Variants in HOMER2 observed in about 807,000 individuals in gnomAD.
HOMER2 encodes homer scaffold protein 2.
HOMER2 carries 27 observed loss-of-function variants against 47.0 expected under a neutral mutation model. That is an observed-to-expected ratio of 0.57 (90% CI 0.42 to 0.79). HOMER2 has a LOEUF of 0.79. Ranked by LOEUF, HOMER2 falls within the 30% of genes least tolerant of loss-of-function variation. HOMER2 has a pLI of 0.00. For missense variants in HOMER2, 443 were observed against 435.0 expected, an observed-to-expected ratio of 1.02 and a Z score of -0.16; for synonymous variants, 161 against 163.8, an observed-to-expected ratio of 0.98 and a Z score of 0.13.
intron 3 of HOMER2, among the ~76,000 whole-genome samples, chr15:82,868,541 A>ATATATATATATATATATATATATTTTTT: frequency 1.1e-4 from 8 of 71,258 alleles, no homozygotes; most frequent in Admixed American, 1.8e-4. Context: ...ATATATATAT[A>ATATATATATATATATATATATATTTTTT]TTTTTTTTTT....
At chr15:82,917,235 T>A (rs2053615106) in intron 1 of HOMER2, among the ~76,000 whole-genome samples, 1 of 152,258 alleles carries the variant, frequency 6.6e-6, no homozygotes, top group Admixed American at 6.5e-5. Flanking sequence ...GCAGAATTTA[T>A]GAAAAAGTAA....
chr15:82,853,869 C>T (rs1314200271), intron 6 of HOMER2, among the ~76,000 whole-genome samples: 2 of 152,148 alleles, frequency 1.3e-5, no homozygotes, highest in East Asian at 3.9e-4. Flanking sequence ...CACCATAATC[C>T]TTTTCTCAAC....
chr15:82,853,921 A>G (rs1031927525), intron 6 of HOMER2, among the ~76,000 whole-genome samples: 2 of 152,224 alleles, frequency 1.3e-5, no homozygotes, highest in Non-Finnish European at 2.9e-5. Flanking sequence ...GAATGGAAGC[A>G]GGACTTCCAA....
In HOMER2 at chr15:82,854,867, G is replaced by A; in HGVS notation, c.495-67C>T. On this transcript the variant is annotated intron_variant, in intron 5 of 8. Transcript: ENST00000450735. The stretch of plus-strand genomic sequence containing the variant: ...TCCCGTCTGGCTCCGCCCGCGTGGG[G>A]AAGGGGACTCCGCCATCCCTCAGCA... The A allele has an allele frequency of 9.0e-6, 14 of 1,552,728 alleles. No homozygotes were observed. In the South Asian group the frequency reaches 1.5e-4, roughly 17 times the overall value.
chr15:82,977,640 GAA>G, intron 1 of HOMER2, among the ~76,000 whole-genome samples: 1 of 152,140 alleles, frequency 6.6e-6, no homozygotes, highest in Non-Finnish European at 1.5e-5. Context: ...TGCTGGAGAT[GAA>G]GAGACATCAC....
At chr15:82,970,985 G>C (rs2029965368) in intron 1 of HOMER2, among the ~76,000 whole-genome samples, 1 of 152,200 alleles carries the variant, frequency 6.6e-6, no homozygotes, top group African/African-American at 2.4e-5. Context: ...AAAAGCCATA[G>C]TCCATGGCCC....
At chr15:82,955,959 G>T (rs2054583743), upstream of HOMER2, among the ~76,000 whole-genome samples, 1 of 152,140 alleles carries the variant, frequency 6.6e-6, no homozygotes, top group Non-Finnish European at 1.5e-5. Context: ...AGGCCTGATG[G>T]CTGGGTGTGG....
chr15:82,956,987 G>A (rs117952621), upstream of HOMER2, among the ~76,000 whole-genome samples: 1,364 of 152,194 alleles, frequency 9.0e-3, 11 homozygotes, highest in Non-Finnish European at 0.014. Context: ...ATTAAGAAGA[G>A]TGAATGAGAA....
intron 2 of HOMER2, among the ~76,000 whole-genome samples, chr15:82,882,460 A>C (rs2052552587): frequency 6.6e-6 from 1 of 152,194 alleles, no homozygotes; most frequent in Non-Finnish European, 1.5e-5. Context: ...GATCCACATA[A>C]TCCCCTAGAG....
chr15:82,943,170 C>T (rs1028038164), intron 1 of HOMER2, among the ~76,000 whole-genome samples: 15 of 152,184 alleles, frequency 9.9e-5, no homozygotes, highest in African/African-American at 3.4e-4. Flanking sequence ...GTGCTAAATG[C>T]TCTATACACA....
At chr15:82,879,719 G>A (rs1039653337) in intron 2 of HOMER2, among the ~76,000 whole-genome samples, 5 of 152,140 alleles carry the variant, frequency 3.3e-5, no homozygotes, top group Non-Finnish European at 5.9e-5. Flanking sequence ...CTGAAGGGTG[G>A]AGTCATTGTG....
intron 1 of HOMER2, among the ~76,000 whole-genome samples, chr15:82,972,518 T>G (rs1344425088): frequency 6.6e-6 from 1 of 152,112 alleles, no homozygotes; most frequent in African/African-American, 2.4e-5. Flanking sequence ...CTGGCTAATA[T>G]TTTGTATTTT....
intron 1 of HOMER2, among the ~76,000 whole-genome samples, chr15:82,974,118 A>AGATC (rs949011205): frequency 6.6e-6 from 1 of 151,022 alleles, no homozygotes; most frequent in African/African-American, 2.4e-5. Context: ...AAAATACTAA[A>AGATC]GATCAGCCAG....
intron 1 of HOMER2, among the ~76,000 whole-genome samples, chr15:82,937,995 C>T (rs2054178827): frequency 6.6e-6 from 1 of 152,228 alleles, no homozygotes. Context: ...CGCCCCAACC[C>T]TACAACCAGC....
intron 1 of HOMER2, among the ~76,000 whole-genome samples, chr15:82,939,241 C>T (rs1012948577): frequency 3.9e-5 from 6 of 152,188 alleles, no homozygotes; most frequent in Admixed American, 6.5e-5. Flanking sequence ...CACTATCAGC[C>T]GCACAGCCTA....
Position 82,849,436 on chromosome 15 carries a change from A to G in HOMER2, c.*279T>C. The G allele has an allele frequency of 2.4e-6, 1 of 423,138 alleles. No homozygotes were observed. The highest frequency in any genetic ancestry group is 4.2e-6 in the Non-Finnish European group (1 of 237,446). The allele number at this position is 423,138 out of a possible 1,614,324, so 26.2% of individuals were successfully genotyped here. On this transcript the variant is annotated 3_prime_UTR_variant, in exon 9 of 9. Coordinates refer to ENST00000450735, the MANE Select transcript of HOMER2 (RefSeq NM_004839.4). ...ATGGTTGCAACAGCCCTTATGAAAGATATAAACATCCCTGCCCTGACTGCA... is the reference window on the plus strand; with the variant it reads ...ATGGTTGCAACAGCCCTTATGAAAGGTATAAACATCCCTGCCCTGACTGCA...
chr15:82,838,963 A>G (rs895327272), exon 2 of HOMER2: 1 of 152,088 alleles, frequency 6.6e-6, no homozygotes, highest in African/African-American at 2.4e-5. Context: ...CTCTGGAAAA[A>G]CCTTTTCTGG....
At chr15:82,895,798 G>C (rs1787093789) in intron 1 of HOMER2, among the ~76,000 whole-genome samples, 1 of 152,108 alleles carries the variant, frequency 6.6e-6, no homozygotes, top group African/African-American at 2.4e-5. Flanking sequence ...TCCATGACAG[G>C]AATTAGCTGG....
intron 1 of HOMER2, among the ~76,000 whole-genome samples, chr15:82,966,601 G>C (rs569972942): frequency 6.6e-6 from 1 of 152,230 alleles, no homozygotes; most frequent in East Asian, 1.9e-4. Flanking sequence ...TAAAACAAAG[G>C]CGGGAAAATG....
Sources: gnomAD v4.1 joint callset for allele counts (sites outside exome capture counted in the v4.1 genomes callset) on GRCh38, gnomAD v4.1.1 for gene constraint, MANE v1.5 for transcripts, NCBI Gene and HGNC (gene_info 2026-07-23, HGNC 2026-07-21) for gene names.